C12orf42: variants seen among roughly 807,000 people sequenced by gnomAD.
C12orf42 encodes uncharacterized protein C12orf42.
Under a neutral mutation model 21.6 loss-of-function variants are expected in C12orf42, and 25 were observed. That is an observed-to-expected ratio of 1.16 (90% CI 0.84 to 1.62). C12orf42 has a LOEUF of 1.62. Ranked by LOEUF, C12orf42 falls within the 40% of genes most tolerant of loss-of-function variation. The probability of loss-of-function intolerance (pLI) is 0.00; values close to 1 mark genes in which losing one functional copy is unlikely to be tolerated. For missense variants in C12orf42, 483 were observed against 459.3 expected, an observed-to-expected ratio of 1.05 and a Z score of -0.47; for synonymous variants, 174 against 175.0, an observed-to-expected ratio of 0.99 and a Z score of 0.05.
At chr12:103,521,593 G>A in the C12orf42 span, among the ~76,000 whole-genome samples, 1 of 152,130 alleles carries the variant, frequency 6.6e-6, no homozygotes, top group Non-Finnish European at 1.5e-5. Flanking sequence ...TTAATACCTA[G>A]GTGATGGGTT....
At chr12:103,546,949 T>C in the C12orf42 span, among the ~76,000 whole-genome samples, 1 of 152,210 alleles carries the variant, frequency 6.6e-6, no homozygotes, top group Non-Finnish European at 1.5e-5. Context: ...ACCCTTAGCT[T>C]GTACCTTTAT....
intron 1 of C12orf42, among the ~76,000 whole-genome samples, chr12:103,480,884 C>T (rs1954419316): frequency 6.6e-6 from 1 of 151,562 alleles, no homozygotes; most frequent in Non-Finnish European, 1.5e-5. Context: ...TAATCTATAA[C>T]TGTTCATTAG....
chr12:103,189,984 TAC>T, the C12orf42 span, among the ~76,000 whole-genome samples: 38 of 151,292 alleles, frequency 2.5e-4, no homozygotes, highest in African/African-American at 6.8e-4. Flanking sequence ...TATATATATA[TAC>T]ACACACACAC....
At chr12:103,553,213 A>G in the C12orf42 span, among the ~76,000 whole-genome samples, 2 of 152,194 alleles carry the variant, frequency 1.3e-5, no homozygotes, top group Non-Finnish European at 2.9e-5. Context: ...AAAAGTCTCC[A>G]GACATTGCCA....
intron 4 of C12orf42, among the ~76,000 whole-genome samples, chr12:103,331,242 T>C (rs541126759): frequency 1.3e-5 from 2 of 152,346 alleles, no homozygotes; most frequent in South Asian, 4.1e-4. Context: ...GCCTATTCTA[T>C]AACAAAGTGT....
At chr12:103,435,676 T>C (rs1234547376) in intron 2 of C12orf42, among the ~76,000 whole-genome samples, 3 of 150,876 alleles carry the variant, frequency 2.0e-5, no homozygotes, top group Non-Finnish European at 4.4e-5. Context: ...ATGAATGAAA[T>C]GAAGCGAGAA....
chr12:103,361,378 C>T (rs2044090057), intron 4 of C12orf42, among the ~76,000 whole-genome samples: 1 of 152,100 alleles, frequency 6.6e-6, no homozygotes, highest in Admixed American at 6.6e-5. Context: ...GCCCTGTGGG[C>T]TCTCTAGGTC....
intron 2 of C12orf42, among the ~76,000 whole-genome samples, chr12:103,470,020 T>G (rs1360161653): frequency 6.6e-6 from 1 of 152,226 alleles, no homozygotes; most frequent in Non-Finnish European, 1.5e-5. Context: ...GAGCATGGAA[T>G]ATACTGAAGG....
At chr12:103,448,373 A>G (rs760407848) in intron 2 of C12orf42, among the ~76,000 whole-genome samples, 2 of 152,112 alleles carry the variant, frequency 1.3e-5, no homozygotes, top group Non-Finnish European at 2.9e-5. Flanking sequence ...CCTTCTAGAC[A>G]TTGGCTTAGA....
At chr12:103,340,917 T>C (rs1308893460) in intron 4 of C12orf42, among the ~76,000 whole-genome samples, 1 of 151,914 alleles carries the variant, frequency 6.6e-6, no homozygotes, top group African/African-American at 2.4e-5. Context: ...ATCGAGACCA[T>C]CCTGACTAAC....
At chr12:103,219,245 A>T in the C12orf42 span, among the ~76,000 whole-genome samples, 1 of 152,206 alleles carries the variant, frequency 6.6e-6, no homozygotes, top group Admixed American at 6.5e-5. Context: ...CTTACACCTT[A>T]TACAAACATT....
the C12orf42 span, chr12:103,505,638 G>C: frequency 3.8e-6 from 1 of 263,072 alleles, no homozygotes; most frequent in Non-Finnish European, 7.2e-6. Flanking sequence ...ACCCAAGTTA[G>C]CACTGCCCAG....
At chr12:103,408,579 CTTA>C (rs1430013546) in intron 2 of C12orf42, among the ~76,000 whole-genome samples, 1 of 152,094 alleles carries the variant, frequency 6.6e-6, no homozygotes. Flanking sequence ...AATAAAATAA[CTTA>C]TTATTTGTGT....
chr12:103,526,619 G>T, the C12orf42 span, among the ~76,000 whole-genome samples: 4 of 152,138 alleles, frequency 2.6e-5, no homozygotes, highest in African/African-American at 9.7e-5. Flanking sequence ...ATATGTTCAA[G>T]CCCTAACCCC....
chr12:103,064,218 A>C, the C12orf42 span, among the ~76,000 whole-genome samples: 5 of 152,186 alleles, frequency 3.3e-5, no homozygotes, highest in Admixed American at 6.5e-5. Context: ...AGAGCCCTGT[A>C]ATTGCTCTTC....
At chr12:103,132,961 C>A in the C12orf42 span, among the ~76,000 whole-genome samples, 1 of 152,194 alleles carries the variant, frequency 6.6e-6, no homozygotes, top group Non-Finnish European at 1.5e-5. Context: ...GCTCACCTTC[C>A]CCTGCCTACC....
At chr12:103,451,048 CATT>C (rs1204853705) in intron 2 of C12orf42, among the ~76,000 whole-genome samples, 1 of 152,072 alleles carries the variant, frequency 6.6e-6, no homozygotes, top group Non-Finnish European at 1.5e-5. Flanking sequence ...CTCTCTATAT[CATT>C]GTCACTTTGG....
At chr12:103,199,864 C>A in the C12orf42 span, among the ~76,000 whole-genome samples, 1 of 151,860 alleles carries the variant, frequency 6.6e-6, no homozygotes, top group Non-Finnish European at 1.5e-5. Context: ...AAAAAGGAAC[C>A]CTTTTACAAT....
the C12orf42 span, among the ~76,000 whole-genome samples, chr12:103,049,536 G>A: frequency 1.3e-5 from 2 of 152,166 alleles, no homozygotes. Context: ...CAATCAGCGT[G>A]TTCCTGTTTA....
Sources: allele counts gnomAD v4.1 joint callset (sites outside exome capture counted in the v4.1 genomes callset), GRCh38; gene constraint gnomAD v4.1.1; transcripts MANE v1.5; gene names NCBI Gene and HGNC (gene_info 2026-07-23, HGNC 2026-07-21).